The following TBC1D22A variants were observed in gnomAD, a reference collection of about 807,000 sequenced individuals.
The protein encoded by TBC1D22A is TBC1 domain family member 22A.
In TBC1D22A, 38 loss-of-function variants were observed where a neutral mutation model predicts 60.2. The ratio of observed to expected loss-of-function variants is 0.63; its 90% confidence interval spans 0.49 to 0.83. The LOEUF is 0.83. Ranked by LOEUF, TBC1D22A falls within the 40% of genes least tolerant of loss-of-function variation. The probability of loss-of-function intolerance (pLI) is 0.00; values close to 1 mark genes in which losing one functional copy is unlikely to be tolerated. For missense variants in TBC1D22A, 628 were observed against 701.0 expected (o/e 0.90, Z 1.18); for synonymous variants, 302 against 281.7 (o/e 1.07, Z -0.72).
At chr22:46,812,317 G>C (rs2085412040) in intron 4 of TBC1D22A, among the ~76,000 whole-genome samples, 3 of 152,166 alleles carry the variant, frequency 2.0e-5, no homozygotes, top group African/African-American at 7.2e-5. Context: ...ACCAGCGCTG[G>C]CTTCTCTGCA....
chr22:46,991,088 G>A (rs992666112), intron 9 of TBC1D22A, among the ~76,000 whole-genome samples: 14 of 152,148 alleles, frequency 9.2e-5, no homozygotes, highest in African/African-American at 3.4e-4. Flanking sequence ...ATTGTCTTAG[G>A]TTCTTTTAGA....
chr22:47,110,096 C>T (rs542150130), intron 11 of TBC1D22A, among the ~76,000 whole-genome samples: 3 of 152,310 alleles, frequency 2.0e-5, no homozygotes, highest in South Asian at 2.1e-4. Context: ...CTGGTCTCCT[C>T]GCTTTTGGAA....
At chr22:46,924,620 C>T (rs1230214544) in intron 8 of TBC1D22A, among the ~76,000 whole-genome samples, 3 of 152,128 alleles carry the variant, frequency 2.0e-5, no homozygotes, top group Non-Finnish European at 4.4e-5. Context: ...TGGCGCATGC[C>T]TGTAATCCCA....
intron 1 of TBC1D22A, among the ~76,000 whole-genome samples, chr22:46,779,048 TA>T (rs1244146361): frequency 2.0e-5 from 3 of 152,030 alleles, no homozygotes; most frequent in African/African-American, 7.2e-5. Context: ...CTGTCTCAAA[TA>T]AAAAAACAAG....
chr22:46,862,243 G>C (rs978679504), intron 4 of TBC1D22A, among the ~76,000 whole-genome samples: 1 of 152,222 alleles, frequency 6.6e-6, no homozygotes, highest in African/African-American at 2.4e-5. Context: ...GCTCCATGAG[G>C]TCTTCTCGCT....
rs1602975633 is a variant in TBC1D22A at position 47,009,623 on chromosome 22, C to A, written c.1201+11914C>A. On this transcript the variant is annotated intron_variant, in intron 10 of 12. Coordinates refer to ENST00000337137, the MANE Select transcript of TBC1D22A (RefSeq NM_014346.5). This position sits in a 1 kb window ranked among gnomAD's most constrained non-coding sequence, Gnocchi z 5.8. ...GTCATCACCATCATCATTACTATCA[C>A]CATCATTTCATCACCGTCATCATTA... 6.6e-6 allele frequency among the ~76,000 whole-genome samples: 1 copy of A among 151,924 alleles called. No individual in the cohort carries two copies. The highest frequency in any genetic ancestry group is 2.4e-5 in the African/African-American group (1 of 41,350).
At position 46,905,029 on chromosome 22, in the gene TBC1D22A, C is replaced by T. The variant is rs184640873; in HGVS notation, c.901-7045C>T. Among the ~76,000 whole-genome samples, 761 of 152,294 alleles carry T rather than the reference C, an allele frequency of 5.0e-3. 6 individuals carry two copies. The highest frequency in any genetic ancestry group is 0.017 in the African/African-American group (721 of 41,544). The stretch of plus-strand genomic sequence containing the variant: ...GACCTCGTGATCCACCTGCCTCGGC[C>T]TCCCGAAGTGCTGGGATTACAGGCG... On this transcript the variant is annotated intron_variant, in intron 7 of 12. Coordinates refer to ENST00000337137, the MANE Select transcript of TBC1D22A (RefSeq NM_014346.5).
chr22:46,887,677 G>A (rs2068188368), intron 5 of TBC1D22A, among the ~76,000 whole-genome samples: 2 of 152,240 alleles, frequency 1.3e-5, no homozygotes, highest in South Asian at 4.1e-4. Context: ...TAGGAGGGGA[G>A]GAGGTAAGGG....
intron 1 of TBC1D22A, chr22:46,774,184 G>T (rs1601809106): frequency 2.0e-6 from 2 of 985,442 alleles, no homozygotes; most frequent in East Asian, 2.3e-4. Context: ...CCTCCAGGCT[G>T]GGGGAAAACC....
At chr22:47,095,472 T>G (rs1020389490) in intron 11 of TBC1D22A, among the ~76,000 whole-genome samples, 1 of 152,258 alleles carries the variant, frequency 6.6e-6, no homozygotes, top group Non-Finnish European at 1.5e-5. Flanking sequence ...TTCCTACATT[T>G]TAAAAAGTTT....
chr22:46,885,469 C>G (rs1034203303), intron 5 of TBC1D22A, among the ~76,000 whole-genome samples: 8 of 152,144 alleles, frequency 5.3e-5, no homozygotes, highest in Admixed American at 2.6e-4. Flanking sequence ...TGGTGAGGAC[C>G]CAGCCCTTCC....
intron 4 of TBC1D22A, among the ~76,000 whole-genome samples, chr22:46,808,283 G>A (rs952423430): frequency 6.6e-6 from 1 of 151,306 alleles, no homozygotes; most frequent in Non-Finnish European, 1.5e-5. Flanking sequence ...GCTTGAACCC[G>A]GGAGGCAGAG....
chr22:46,834,519 T>G (rs1321486568), intron 4 of TBC1D22A, among the ~76,000 whole-genome samples: 2 of 152,138 alleles, frequency 1.3e-5, no homozygotes, highest in African/African-American at 4.8e-5. Context: ...GGTGAGAGCA[T>G]AGTGAACACC....
At chr22:46,822,960 T>C (rs1311425282) in intron 4 of TBC1D22A, among the ~76,000 whole-genome samples, 1 of 152,112 alleles carries the variant, frequency 6.6e-6, no homozygotes, top group African/African-American at 2.4e-5. Flanking sequence ...GACCCCATCA[T>C]TCCTGGGTTG....
In TBC1D22A at chr22:47,091,323, T is replaced by TA. The variant is rs1438437149; in HGVS notation, c.1330-20184dup. On this transcript the variant is annotated intron_variant, in intron 11 of 12. Coordinates refer to ENST00000337137, the MANE Select transcript of TBC1D22A (RefSeq NM_014346.5). ...TCGTCTTTGGGTGGCTGCGTGTTGA[T>TA]AGAGACAGGCACTAGAAGTCGTCTT... 3.3e-5 allele frequency among the ~76,000 whole-genome samples: 2 copies of TA among 60,678 alleles called. 1 individual carries two copies. The highest frequency in any genetic ancestry group is 5.7e-5 in the Non-Finnish European group (2 of 35,172). The allele number at this position is 60,678 out of a possible 152,430, so 39.8% of individuals were successfully genotyped here.
chr22:47,171,926 C>T (rs75299806), intron 12 of TBC1D22A, among the ~76,000 whole-genome samples: 1,700 of 121,526 alleles, frequency 0.014, 36 homozygotes, highest in South Asian at 0.071. Context: ...ATCTGAGACA[C>T]GGCCCAGCTG....
chr22:46,883,593 T>C (rs2067960432), intron 5 of TBC1D22A, among the ~76,000 whole-genome samples: 1 of 152,128 alleles, frequency 6.6e-6, no homozygotes, highest in Non-Finnish European at 1.5e-5. Flanking sequence ...GAGTGGGAAG[T>C]ATTTCTGAGA....
intron 5 of TBC1D22A, among the ~76,000 whole-genome samples, chr22:46,881,662 C>G (rs2067857914): frequency 6.6e-6 from 1 of 152,120 alleles, no homozygotes; most frequent in Admixed American, 6.5e-5. Flanking sequence ...TGGGAGGGGA[C>G]TAGAGCTGGG....
At chr22:46,834,315 C>T (rs1034784503) in intron 4 of TBC1D22A, among the ~76,000 whole-genome samples, 1 of 152,176 alleles carries the variant, frequency 6.6e-6, no homozygotes, top group African/African-American at 2.4e-5. Context: ...CAAATGCCCA[C>T]AGGTGAGAGT....
Sources: allele counts gnomAD v4.1 joint callset (sites outside exome capture counted in the v4.1 genomes callset), GRCh38; gene constraint gnomAD v4.1.1; non-coding constraint Gnocchi (gnomAD v3.1); transcripts MANE v1.5; gene names NCBI Gene and HGNC (gene_info 2026-07-23, HGNC 2026-07-21).